ABCB10: variants seen among roughly 807,000 people sequenced by gnomAD.
The protein encoded by ABCB10 is ATP-binding cassette sub-family B member 10, mitochondrial.
ABCB10 carries 54 observed loss-of-function variants against 65.4 expected under a neutral mutation model. The ratio of observed to expected loss-of-function variants is 0.83; its 90% CI spans 0.66 to 1.04. The LOEUF is 1.04. ABCB10 is among the 50% of genes least tolerant of loss of function. The pLI is 0.00. For synonymous variants in ABCB10, 418 were observed against 406.5 expected (o/e 1.03, Z -0.34); for missense variants, 846 against 976.6 (o/e 0.87, Z 1.78).
intron 1 of ABCB10, among the ~76,000 whole-genome samples, chr1:229,551,709 G>A (rs1663122180): frequency 6.6e-6 from 1 of 152,204 alleles, no homozygotes; most frequent in Non-Finnish European, 1.5e-5. Flanking sequence ...TCTTACAACA[G>A]TGCCCAAAGG....
In ABCB10 at chr1:229,518,130, A is replaced by C. The variant is rs752345298; in HGVS notation, c.*49T>G. The C allele has an allele frequency of 7.1e-7, 1 of 1,401,428 alleles. No homozygotes were observed. Among genetic ancestry groups the C allele is most frequent in the Non-Finnish European group, 1.0e-6 (1 of 1,000,932 alleles). The allele number at this position is 1,401,428 out of a possible 1,614,324, so 86.8% of individuals were successfully genotyped here. A position where few individuals can be genotyped will look rare whatever the true frequency, so the allele number is the denominator to read the frequency against. On this transcript the variant is annotated 3_prime_UTR_variant, in exon 13 of 13. Coordinates refer to ENST00000344517, the MANE Select transcript of ABCB10 (RefSeq NM_012089.3). ...CATAGTCTCTGAGTTTTTTTTCTGC[A>C]ACACTGTTTTGCATTAAAGTCTCAT...
intron 6 of ABCB10, among the ~76,000 whole-genome samples, chr1:229,538,255 C>T (rs948507724): frequency 3.3e-5 from 5 of 152,156 alleles, no homozygotes; most frequent in Admixed American, 6.5e-5. Flanking sequence ...ACAGAAATAA[C>T]GTCTATCATG....
Position 229,558,599 on chromosome 1 carries a change from G to T in ABCB10, c.54C>A (p.Ala18=). The T allele has an allele frequency of 7.0e-7, 1 of 1,438,116 alleles. No individual in the cohort carries two copies. The highest frequency in any genetic ancestry group is 1.3e-5 in the South Asian group (1 of 75,638). 89.1% of individuals were successfully genotyped at this position (1,438,116 alleles called of 1,614,324 possible). The change falls in exon 1 of 13, where the codon GCC becomes GCA. Residue 18 remains alanine (A), a synonymous_variant. Coordinates refer to ENST00000344517, the MANE Select transcript of ABCB10 (RefSeq NM_012089.3). ...CTACCGGCAGGAGCCGACCTGGCTC[G>T]GCAGGGCTCGGTGGCTCGAGCAGCC... The part of the protein sequence containing the change: ...PLRLLEPPSP[A]EPGRLLPVAC...
chr1:229,531,498 C>T, intron 7 of ABCB10, 138 bp downstream of exon 7: 2 of 837,944 alleles, frequency 2.4e-6, no homozygotes, highest in Non-Finnish European at 1.9e-6. Context: ...ACCACCTCCT[C>T]ACCCGGCCCG....
At position 229,539,499 on chromosome 1, in the gene ABCB10, A is replaced by C; in HGVS notation, c.1296T>G (p.Ser432=). ...GSAHMTVGEL[S]SFLMYAFWVG... is the part of the protein sequence containing the mutation. ...CCCAGAAAGCATACATTAGGAAGGA[A>C]GAGAGTTCACCCACGGTCATGTGGG... The change falls in exon 6 of 13, where the codon TCT becomes TCG. Residue 432 remains serine (S), a synonymous_variant. Transcript: ENST00000344517. The C allele has an allele frequency of 6.2e-7, 1 of 1,614,004 alleles. No homozygotes were observed. The highest frequency in any genetic ancestry group is 8.5e-7 in the Non-Finnish European group (1 of 1,179,878).
Position 229,558,592 on chromosome 1 carries a change from C to T in ABCB10, c.61G>A (p.Gly21Ser). 1 of 1,442,462 alleles carries T rather than the reference C, an allele frequency of 6.9e-7. No homozygotes were observed. The allele number at this position is 1,442,462 out of a possible 1,614,324, so 89.4% of individuals were successfully genotyped here. Residue 21 changes from glycine (G) to serine (S), a missense_variant, in exon 1 of 13, where the codon GGT (glycine) becomes AGT (serine). Gly to Ser is a moderately conservative substitution (Grantham distance 56, BLOSUM62 0). Around this residue, in one of 2 missense-constraint regions of ABCB10, gnomAD observed 214 missense variants for 173.5 expected, o/e 1.23. Transcript: ENST00000344517. ...LLEPPSPAEPGRLLPVACVWA... is the reference protein window; with the variant it reads ...LLEPPSPAEPSRLLPVACVWA... The stretch of plus-strand genomic sequence containing the variant: ...ACGCAGGCTACCGGCAGGAGCCGAC[C>T]TGGCTCGGCAGGGCTCGGTGGCTCG...
chr1:229,558,351 C>G lies in ABCB10; in HGVS notation c.302G>C (p.Arg101Thr). The change falls in exon 1 of 13, where the codon AGG (arginine) becomes ACG (threonine). Residue 101 changes from arginine to threonine, a missense_variant. Physicochemically the swap from Arg to Thr is moderately conservative, Grantham distance 71 (BLOSUM62 -1). Around this residue, in one of 2 missense-constraint regions of ABCB10, gnomAD observed 214 missense variants for 173.5 expected, o/e 1.23. Transcript: ENST00000344517. ...GCCTGGCCCGGCAAAAGCCCCGCAC[C>G]TGCAGCTGCCGGGGCCGCGAGCCCA... ...GLWARGPGSC[R>T]CGAFAGPGAP... The G allele has an allele frequency of 8.0e-7, 1 of 1,256,546 alleles. No individual in the cohort carries two copies. 77.8% of individuals were successfully genotyped at this position (1,256,546 alleles called of 1,614,324 possible).
chr1:229,526,303 G>A (rs1662443835), intron 9 of ABCB10, among the ~76,000 whole-genome samples, 187 bp from the exon 10 acceptor site: 1 of 152,164 alleles, frequency 6.6e-6, no homozygotes, highest in South Asian at 2.1e-4. Flanking sequence ...CCTGGCACAT[G>A]GTAGGAACTT....
intron 6 of ABCB10, among the ~76,000 whole-genome samples, chr1:229,535,526 A>G (rs1009790669): frequency 1.3e-5 from 2 of 152,248 alleles, no homozygotes; most frequent in Non-Finnish European, 2.9e-5. Context: ...AAAAGGCATA[A>G]CCATGGAAAC....
chr1:229,550,655 C>A (rs1037825227), intron 1 of ABCB10, among the ~76,000 whole-genome samples: 24 of 150,282 alleles, frequency 1.6e-4, no homozygotes, highest in Non-Finnish European at 3.2e-4. Flanking sequence ...GAGTTCAAGA[C>A]TACCATGGCC....
chr1:229,542,117 T>G, intron 4 of ABCB10, 120 bp downstream of exon 4: 1 of 1,308,672 alleles, frequency 7.6e-7, no homozygotes, highest in South Asian at 1.7e-5. Context: ...TAATTTCTAA[T>G]GAAAGGAAAG....
chr1:229,534,786 G>A (rs555555132), intron 6 of ABCB10, among the ~76,000 whole-genome samples: 101 of 148,960 alleles, frequency 6.8e-4, no homozygotes, highest in African/African-American at 2.3e-3. Context: ...CTGGAGAATC[G>A]CTTGAACCTG....
chr1:229,517,920 T>G lies in ABCB10; in HGVS notation c.*259A>C. 1 of 371,580 alleles carries G rather than the reference T, an allele frequency of 2.7e-6. No homozygotes were observed. The highest frequency in any genetic ancestry group is 4.3e-5 in the Admixed American group (1 of 23,000). The allele number at this position is 371,580 out of a possible 1,614,324, so 23.0% of individuals were successfully genotyped here. On this transcript the variant is annotated 3_prime_UTR_variant, in exon 13 of 13. Coordinates refer to ENST00000344517, the MANE Select transcript of ABCB10 (RefSeq NM_012089.3). ...GTGCCATGCTATATTAATTAAAATATTCCACAAGAAAAGAAAATACAAAAC... is the reference window on the plus strand; with the variant it reads ...GTGCCATGCTATATTAATTAAAATAGTCCACAAGAAAAGAAAATACAAAAC...
intron 3 of ABCB10, among the ~76,000 whole-genome samples, chr1:229,546,712 AAT>A (rs995876338): frequency 1.3e-5 from 2 of 150,998 alleles, no homozygotes; most frequent in South Asian, 2.1e-4. Flanking sequence ...CTCTACAAAA[AAT>A]ATATATATAT....
intron 1 of ABCB10, among the ~76,000 whole-genome samples, chr1:229,553,139 T>C (rs964447839): frequency 4.0e-5 from 6 of 151,678 alleles, no homozygotes; most frequent in East Asian, 3.9e-4. Flanking sequence ...TTTTTTGAGA[T>C]AGAGTTTCCC....
At chr1:229,529,029 C>T (rs1007658445) in intron 8 of ABCB10, among the ~76,000 whole-genome samples, 4 of 152,204 alleles carry the variant, frequency 2.6e-5, no homozygotes, top group East Asian at 1.9e-4. Flanking sequence ...CGGTGGCTCA[C>T]GCCTGTAATC....
intron 10 of ABCB10, among the ~76,000 whole-genome samples, chr1:229,524,730 G>C (rs1662393897): frequency 1.3e-5 from 2 of 152,156 alleles, no homozygotes; most frequent in Non-Finnish European, 2.9e-5. Flanking sequence ...GGCCAGACCT[G>C]AACCATGGCA....
At chr1:229,554,565 A>G (rs1235184756) in intron 1 of ABCB10, among the ~76,000 whole-genome samples, 1 of 152,180 alleles carries the variant, frequency 6.6e-6, no homozygotes, top group East Asian at 1.9e-4. Flanking sequence ...TTTTAATAAC[A>G]TTTTACTTGA....
chr1:229,553,006 T>G (rs180892601), intron 1 of ABCB10, among the ~76,000 whole-genome samples: 2 of 152,218 alleles, frequency 1.3e-5, no homozygotes, highest in East Asian at 3.9e-4. Flanking sequence ...ACCTCATGGG[T>G]GCACAGGAAG....
Sources: gnomAD v4.1 joint callset for allele counts (sites outside exome capture counted in the v4.1 genomes callset) on GRCh38, gnomAD v4.1.1 for gene constraint, gnomAD v4.1.1 regional missense constraint, MANE v1.5 for transcripts, NCBI Gene and HGNC (gene_info 2026-07-23, HGNC 2026-07-21) for gene names.